NFIC: variants seen among roughly 807,000 people sequenced by gnomAD.
The protein encoded by NFIC is nuclear factor I C.
A neutral mutation model predicts 54.4 loss-of-function variants in NFIC; 12 were observed. The ratio of observed to expected loss-of-function variants is 0.22; its 90% CI spans 0.14 to 0.36. The LOEUF (loss-of-function observed/expected upper bound fraction) is 0.36. Ranked by LOEUF, NFIC falls within the 10% of genes least tolerant of loss-of-function variation. The probability of loss-of-function intolerance (pLI) is 1.00; values close to 1 mark genes in which losing one functional copy is unlikely to be tolerated. For synonymous variants in NFIC, 322 were observed against 319.2 expected (o/e 1.01, Z -0.09); for missense variants, 575 against 718.2 (o/e 0.80, Z 2.28).
rs1568399026 is a variant in NFIC at position 3,370,690 on chromosome 19, CTGTCTGTCTCTT to C, written c.30+4026_30+4037del. 2.3e-4 allele frequency among the ~76,000 whole-genome samples: 12 copies of C among 52,570 alleles called. No individual in the cohort carries two copies. Among genetic ancestry groups the C allele is most frequent in the African/African-American group, 8.1e-4 (11 of 13,588 alleles). 34.5% of individuals were successfully genotyped at this position (52,570 alleles called of 152,430 possible). On this transcript the variant is annotated intron_variant, in intron 1 of 10. Transcript: ENST00000443272. The surrounding 1 kb of genome is among the most constrained non-coding windows in gnomAD (Gnocchi z 5.2). The stretch of plus-strand genomic sequence containing the variant: ...CCCTCTCTGTTCCTCTTCTTTCTCT[CTGTCTGTCTCTT>C]TCTTTCTCCCTCCCTTCCTCTCTCT...
intron 2 of NFIC, among the ~76,000 whole-genome samples, chr19:3,399,937 C>T (rs1460438562): frequency 2.0e-5 from 3 of 152,186 alleles, no homozygotes. Context: ...CTAATCCCAG[C>T]CCTTTGGGAG....
chr19:3,441,428 T>C (rs8113830), intron 6 of NFIC, among the ~76,000 whole-genome samples: 23,240 of 152,272 alleles, frequency 0.15, 3,446 homozygotes, highest in African/African-American at 0.38. Flanking sequence ...GTGGGGAAAC[T>C]GAGGCCCAAA....
At chr19:3,426,411 T>G (rs1421592915) in intron 3 of NFIC, among the ~76,000 whole-genome samples, 1 of 151,894 alleles carries the variant, frequency 6.6e-6, no homozygotes, top group Non-Finnish European at 1.5e-5. Flanking sequence ...GGTAGGACAG[T>G]GTAATTCTAT....
At chr19:3,448,898 G>A in intron 6 of NFIC, 116 bp from the exon 7 acceptor site, 2 of 1,455,890 alleles carry the variant, frequency 1.4e-6, no homozygotes, top group East Asian at 2.3e-5. Flanking sequence ...GGATTCTGGG[G>A]TAAGAGGAGG....
At chr19:3,428,696 G>A (rs567480003) in intron 3 of NFIC, among the ~76,000 whole-genome samples, 4 of 152,260 alleles carry the variant, frequency 2.6e-5, no homozygotes, top group Admixed American at 2.0e-4. Flanking sequence ...GGGCAGCGGC[G>A]CTTGGCCTGG....
intron 3 of NFIC, among the ~76,000 whole-genome samples, chr19:3,426,435 G>C (rs2082028814): frequency 6.6e-6 from 1 of 152,070 alleles, no homozygotes; most frequent in Non-Finnish European, 1.5e-5. Context: ...GTAGGGATAG[G>C]AAGTGGGAAA....
At chr19:3,365,022 C>G (rs2080863171), upstream of NFIC, among the ~76,000 whole-genome samples, 1 of 152,138 alleles carries the variant, frequency 6.6e-6, no homozygotes, top group African/African-American at 2.4e-5. Context: ...GTACTAAGCA[C>G]TGTTTGAATA....
At chr19:3,365,176 G>GCACCC (rs2080864892), upstream of NFIC, among the ~76,000 whole-genome samples, 1 of 152,182 alleles carries the variant, frequency 6.6e-6, no homozygotes, top group African/African-American at 2.4e-5. Context: ...TGTAATGCCT[G>GCACCC]AGGATAATGG....
At chr19:3,424,423 C>A (rs2081997228) in intron 2 of NFIC, among the ~76,000 whole-genome samples, 1 of 152,162 alleles carries the variant, frequency 6.6e-6, no homozygotes, top group South Asian at 2.1e-4. Context: ...GTCGCCCAGA[C>A]TGGACTGCAG....
intron 1 of NFIC, among the ~76,000 whole-genome samples, chr19:3,367,484 C>T (rs1214783205): frequency 6.6e-6 from 1 of 152,048 alleles, no homozygotes; most frequent in Non-Finnish European, 1.5e-5. Context: ...CCCTCCCCCT[C>T]CCCCTCCCCC....
chr19:3,439,980 G>A (rs557991909), intron 6 of NFIC, among the ~76,000 whole-genome samples: 94 of 152,188 alleles, frequency 6.2e-4, no homozygotes, highest in Admixed American at 8.5e-4. Context: ...GAGCCACCGC[G>A]CCCGGCCAAA....
chr19:3,393,010 G>T (rs1438192965), intron 2 of NFIC, among the ~76,000 whole-genome samples: 1 of 152,028 alleles, frequency 6.6e-6, no homozygotes, highest in Non-Finnish European at 1.5e-5. Flanking sequence ...GCGCGATCTC[G>T]GCTCGCTGCA....
chr19:3,457,366 A>G (rs2082575309), intron 10 of NFIC, among the ~76,000 whole-genome samples: 1 of 152,110 alleles, frequency 6.6e-6, no homozygotes, highest in African/African-American at 2.4e-5. Flanking sequence ...GGGGAAGTCA[A>G]TTGCCTGAGG....
chr19:3,396,753 C>T (rs568309593), intron 2 of NFIC, among the ~76,000 whole-genome samples: 29 of 152,296 alleles, frequency 1.9e-4, no homozygotes, highest in Admixed American at 1.0e-3. Context: ...ATCAGGAGTT[C>T]GAGACCAGTC....
chr19:3,463,791 GC>G lies in NFIC; in HGVS notation c.*1027del. 1 of 985,130 alleles carries G rather than the reference GC, an allele frequency of 1.0e-6. No individual in the cohort carries two copies. The highest frequency in any genetic ancestry group is 1.2e-6 in the Non-Finnish European group (1 of 829,792). 61.0% of individuals were successfully genotyped at this position (985,130 alleles called of 1,614,324 possible). The stretch of plus-strand genomic sequence containing the variant: ...CGAGTTGGGGGTGCCCGTCTGGAGC[GC>G]CCCCGTCAGCCCCTGGCGGTGGGAG... On this transcript the variant is annotated 3_prime_UTR_variant, in exon 11 of 11. Coordinates refer to ENST00000443272, the MANE Select transcript of NFIC (RefSeq NM_001245002.2).
intron 6 of NFIC, among the ~76,000 whole-genome samples, chr19:3,443,060 C>T (rs920139401): frequency 6.6e-6 from 1 of 152,050 alleles, no homozygotes; most frequent in Non-Finnish European, 1.5e-5. Context: ...CCTGCAGTGC[C>T]CAGGACAGCC....
In NFIC at chr19:3,371,955, C is replaced by A. The variant is rs542759003; in HGVS notation, c.30+5289C>A. 2.3e-5 allele frequency among the ~76,000 whole-genome samples: 3 copies of A among 132,044 alleles called. No individual in the cohort carries two copies. The East Asian group carries it at 7.3e-4, about 32-fold the overall frequency. 86.6% of individuals were successfully genotyped at this position (132,044 alleles called of 152,430 possible). On this transcript the variant is annotated intron_variant, in intron 1 of 10. Coordinates refer to ENST00000443272, the MANE Select transcript of NFIC (RefSeq NM_001245002.2). ...TCCTTCCTTCCCTCCCTCCCTCCCT[C>A]CTTCCTTCTTTCCTTCTCTTTCTCT...
At chr19:3,404,891 G>C (rs1741096328) in intron 2 of NFIC, among the ~76,000 whole-genome samples, 1 of 152,058 alleles carries the variant, frequency 6.6e-6, no homozygotes, top group African/African-American at 2.4e-5. Context: ...GGGGTCCCCA[G>C]GGGTCCCCAG....
At chr19:3,432,996 G>A (rs2082145115) in intron 3 of NFIC, among the ~76,000 whole-genome samples, 1 of 148,678 alleles carries the variant, frequency 6.7e-6, no homozygotes, top group Non-Finnish European at 1.5e-5. Flanking sequence ...AGAGGGTGTC[G>A]CCCTGTTTCC....
Sources: gnomAD v4.1 joint callset for allele counts (sites outside exome capture counted in the v4.1 genomes callset) on GRCh38, gnomAD v4.1.1 for gene constraint, Gnocchi (gnomAD v3.1) non-coding constraint, MANE v1.5 for transcripts, NCBI Gene and HGNC (gene_info 2026-07-23, HGNC 2026-07-21) for gene names.